RAP1GAP2: variants seen among roughly 807,000 people sequenced by gnomAD.
RAP1GAP2 encodes the protein RAP1 GTPase activating protein 2.
RAP1GAP2 carries 27 observed loss-of-function variants against 95.0 expected under a neutral mutation model. The ratio of observed to expected loss-of-function variants is 0.28; its 90% CI spans 0.21 to 0.39. The LOEUF (loss-of-function observed/expected upper bound fraction) is 0.39, where lower values mean the gene tolerates loss of function less well. RAP1GAP2 is among the 10% of genes least tolerant of loss of function. The pLI, the probability that RAP1GAP2 is intolerant of heterozygous loss-of-function variation, is 1.00. For synonymous variants in RAP1GAP2, 373 were observed against 380.9 expected, an observed-to-expected ratio of 0.98 and a Z score of 0.24; for missense variants, 771 against 970.0, an observed-to-expected ratio of 0.79 and a Z score of 2.72.
At chr17:2,920,633 T>C (rs575749045) in intron 3 of RAP1GAP2, among the ~76,000 whole-genome samples, 49 of 152,370 alleles carry the variant, frequency 3.2e-4, no homozygotes, top group African/African-American at 1.0e-3. Flanking sequence ...GTAGGGTTAC[T>C]GCAGGGATTA....
chr17:2,801,786 C>T (rs1040995791), intron 2 of RAP1GAP2, among the ~76,000 whole-genome samples: 2 of 152,112 alleles, frequency 1.3e-5, no homozygotes, highest in African/African-American at 2.4e-5. Flanking sequence ...TCTCTTGGTC[C>T]GTCTGCTGAG....
rs1245973787 is a variant in RAP1GAP2, at chr17:3,037,269, T to TA, written c.*3909dup. The TA allele has an allele frequency of 6.7e-6, 1 of 150,248 alleles. No individual in the cohort carries two copies. Among genetic ancestry groups the TA allele is most frequent in the African/African-American group, 2.4e-5 (1 of 41,104 alleles). 9.3% of individuals were successfully genotyped at this position (150,248 alleles called of 1,614,324 possible). A position where few individuals can be genotyped will look rare whatever the true frequency, so the allele number is the denominator to read the frequency against. ...GGGGCAGCGGCTCTGTCCTGTGCCT[T>TA]ACCAGCCCTGGGGAGGGGGGCATTT... On this transcript the variant is annotated 3_prime_UTR_variant, in exon 25 of 25. Transcript: ENST00000254695.
chr17:2,907,098 T>TCC (rs35466961), intron 3 of RAP1GAP2, among the ~76,000 whole-genome samples: 38 of 151,808 alleles, frequency 2.5e-4, no homozygotes, highest in African/African-American at 8.0e-4. Flanking sequence ...AGTATTTTTT[T>TCC]CCCCCAGTAG....
intron 2 of RAP1GAP2, among the ~76,000 whole-genome samples, chr17:2,879,447 G>T (rs1456152732): frequency 6.6e-6 from 1 of 152,014 alleles, no homozygotes; most frequent in African/African-American, 2.4e-5. Context: ...AAGTCCCTTG[G>T]CTGGGCGTGG....
At chr17:2,945,828 C>T (rs59781116) in intron 3 of RAP1GAP2, among the ~76,000 whole-genome samples, 5,843 of 151,032 alleles carry the variant, frequency 0.039, 394 homozygotes, top group African/African-American at 0.13. Context: ...TTTGCTCTTT[C>T]GCCCAGGCTG....
chr17:2,993,345 G>A (rs1412565413), intron 12 of RAP1GAP2, among the ~76,000 whole-genome samples: 3 of 152,062 alleles, frequency 2.0e-5, no homozygotes, highest in East Asian at 1.9e-4. Flanking sequence ...AGGCTGAGGC[G>A]GGCAGATCAC....
At chr17:2,884,441 C>T (rs563539072) in intron 2 of RAP1GAP2, among the ~76,000 whole-genome samples, 22 of 145,912 alleles carry the variant, frequency 1.5e-4, no homozygotes, top group African/African-American at 4.8e-4. Context: ...GGTGCAGTCT[C>T]GGCTCACTGT....
rs2044546452 is a variant in RAP1GAP2, at chr17:2,965,388, C to T, written c.493-152C>T. The T allele has an allele frequency of 1.1e-5, 7 of 646,796 alleles. No individual in the cohort carries two copies. Among genetic ancestry groups the T allele is most frequent in the South Asian group, 3.8e-5 (2 of 52,182 alleles). 40.1% of individuals were successfully genotyped at this position (646,796 alleles called of 1,614,324 possible). On this transcript the variant is annotated intron_variant, in intron 7 of 24. Coordinates refer to ENST00000254695, the MANE Select transcript of RAP1GAP2 (RefSeq NM_015085.5). This position sits in a 1 kb window ranked among gnomAD's most constrained non-coding sequence, Gnocchi z 4.7. ...TGGCGCCTCCTGAGGATCCGGCCGT[C>T]GGTACCTGTTAATGTCGTTGTCATT...
At chr17:2,820,923 A>G (rs1179474042) in intron 2 of RAP1GAP2, among the ~76,000 whole-genome samples, 1 of 107,502 alleles carries the variant, frequency 9.3e-6, no homozygotes, top group African/African-American at 3.6e-5. Flanking sequence ...TTTTTAGTAG[A>G]GATAGGTTTC....
chr17:2,847,323 A>C (rs1383825768), intron 2 of RAP1GAP2, among the ~76,000 whole-genome samples: 1 of 152,172 alleles, frequency 6.6e-6, no homozygotes, highest in African/African-American at 2.4e-5. Flanking sequence ...CTGTCTTTAA[A>C]GGACAACAGC....
intron 2 of RAP1GAP2, among the ~76,000 whole-genome samples, chr17:2,856,887 T>G (rs924043851): frequency 6.6e-6 from 1 of 152,236 alleles, no homozygotes; most frequent in Non-Finnish European, 1.5e-5. Context: ...AAAGAGTGAT[T>G]GATTTCATCA....
chr17:2,974,183 T>TCCAA (rs1319608485), intron 8 of RAP1GAP2, among the ~76,000 whole-genome samples: 2 of 69,100 alleles, frequency 2.9e-5, no homozygotes, highest in African/African-American at 6.7e-5. Context: ...CTACTAAAAA[T>TCCAA]ACAAAAAAAA....
rs1197708703 is a variant in RAP1GAP2, at chr17:2,887,263, GC to G, written c.81-18018del. On this transcript the variant is annotated intron_variant, in intron 2 of 24. Coordinates refer to ENST00000254695, the MANE Select transcript of RAP1GAP2 (RefSeq NM_015085.5). ...AGTAGAGACGGGGTTTCCCCATATT[GC>G]CCAGGCTGGTCTTGAATTCCTGGCC... 3.3e-5 allele frequency among the ~76,000 whole-genome samples: 5 copies of G among 151,604 alleles called. 1 individual carries two copies. The highest frequency in any genetic ancestry group is 6.8e-3 in the Middle Eastern group (2 of 294).
At chr17:2,824,696 C>T (rs868142376) in intron 2 of RAP1GAP2, among the ~76,000 whole-genome samples, 23 of 141,116 alleles carry the variant, frequency 1.6e-4, no homozygotes, top group African/African-American at 3.7e-4. Context: ...GCCGAGATTG[C>T]GCCATTGCAC....
At chr17:2,769,069 A>G (rs978115617) in intron 1 of RAP1GAP2, among the ~76,000 whole-genome samples, 2 of 151,700 alleles carry the variant, frequency 1.3e-5, no homozygotes, top group East Asian at 3.9e-4. Context: ...TCTACAAAAA[A>G]TTTAATAAGA....
chr17:2,887,773 C>T (rs1241807612), intron 2 of RAP1GAP2, among the ~76,000 whole-genome samples: 1 of 151,334 alleles, frequency 6.6e-6, no homozygotes, highest in Non-Finnish European at 1.5e-5. Context: ...CTCCCGGGTT[C>T]AAGCAATCCC....
chr17:3,005,666 T>C lies in RAP1GAP2; in HGVS notation c.1272+226T>C, dbSNP rs1199715729. ...CAGGGTGTTTGACACTGGGGTTGCT[T>C]TTCTGCTGAAAGACGGGCTTTTATG... On this transcript the variant is annotated intron_variant, in intron 15 of 24. Transcript: ENST00000254695. This position sits in a 1 kb window ranked among gnomAD's most constrained non-coding sequence, Gnocchi z 5.2. Among the ~76,000 whole-genome samples the C allele has an allele frequency of 6.6e-6, 1 of 152,132 alleles. No individual in the cohort carries two copies. The highest frequency in any genetic ancestry group is 1.9e-4 in the East Asian group (1 of 5,180).
chr17:3,010,220 A>G (rs2046475389), intron 17 of RAP1GAP2, among the ~76,000 whole-genome samples: 1 of 151,646 alleles, frequency 6.6e-6, no homozygotes, highest in Admixed American at 6.6e-5. Context: ...TGAGCCTGTA[A>G]TCCCAGCTAC....
rs2042085200 is a variant in RAP1GAP2 at position 2,903,319 on chromosome 17, G to T, written c.81-1965G>T. The stretch of plus-strand genomic sequence containing the variant: ...CTGTGGCTGCTTGGGAGAGGGCCAG[G>T]TGGAGGAGGCGGTGAGCCTGTGCTG... On this transcript the variant is annotated intron_variant, in intron 2 of 24. Transcript: ENST00000254695. This position sits in a 1 kb window ranked among gnomAD's most constrained non-coding sequence, Gnocchi z 4.1. Among the ~76,000 whole-genome samples the T allele has an allele frequency of 6.6e-6, 1 of 152,334 alleles. No homozygotes were observed. The highest frequency in any genetic ancestry group is 3.4e-3 in the Middle Eastern group (1 of 294).
Sources: allele counts gnomAD v4.1 joint callset (sites outside exome capture counted in the v4.1 genomes callset), GRCh38; gene constraint gnomAD v4.1.1; non-coding constraint Gnocchi (gnomAD v3.1); transcripts MANE v1.5; gene names NCBI Gene and HGNC (gene_info 2026-07-23, HGNC 2026-07-21).